Variants in POMGNT1 observed in about 807,000 individuals in gnomAD.
POMGNT1 encodes protein O-linked-mannose beta-1,2-N-acetylglucosaminyltransferase 1.
In POMGNT1, 67 loss-of-function variants were observed where a neutral mutation model predicts 95.6. The ratio of observed to expected loss-of-function variants is 0.70; its 90% confidence interval spans 0.58 to 0.86. The LOEUF (loss-of-function observed/expected upper bound fraction) is 0.86, where lower values mean the gene tolerates loss of function less well. POMGNT1 is among the 40% of genes least tolerant of loss of function. The probability of loss-of-function intolerance (pLI) is 0.00; values close to 1 mark genes in which losing one functional copy is unlikely to be tolerated. For synonymous variants in POMGNT1, 298 were observed against 317.9 expected (o/e 0.94, Z 0.66); for missense variants, 719 against 855.2 (o/e 0.84, Z 1.99).
chr1:46,195,377 C>G, intron 6 of POMGNT1: 1 of 375,246 alleles, frequency 2.7e-6, no homozygotes, highest in Admixed American at 3.8e-5. Context: ...TGGCTCACTC[C>G]TCAATTCCTC....
intron 1 of POMGNT1, among the ~76,000 whole-genome samples, chr1:46,215,923 C>G (rs1274646662): frequency 1.3e-5 from 2 of 151,782 alleles, no homozygotes; most frequent in Non-Finnish European, 2.9e-5. Flanking sequence ...GACAATGGAA[C>G]AATGCCTTAA....
chr1:46,192,411 G>C lies in POMGNT1; in HGVS notation c.1310C>G (p.Pro437Arg), dbSNP rs1557672114. Residue 437 changes from proline (P) to arginine (R), a missense_variant, in exon 16 of 22, where the codon CCA (proline) becomes CGA (arginine). Transcript: ENST00000371984. ...DQGYEHTAED[P>R]ALLYRVETMP... is the part of the protein sequence containing the mutation. ...GGTCTCCACACGGTACAGTAGTGCT[G>C]GGTCCTCAGCCGTGTGTTCATACCC... 6.2e-7 allele frequency: 1 copy of C among 1,614,164 alleles called. No homozygotes were observed. The highest frequency in any genetic ancestry group is 8.5e-7 in the Non-Finnish European group (1 of 1,180,032).
At chr1:46,195,059 G>A (rs2148206732) in intron 6 of POMGNT1, 98 bp from the exon 7 acceptor site, 1 of 1,033,224 alleles carries the variant, frequency 9.7e-7, no homozygotes, top group South Asian at 1.3e-5. Context: ...ACTTAAAATA[G>A]CTCATTACAT....
Position 46,195,871 on chromosome 1 carries a change from C to T in POMGNT1, c.474G>A (p.Glu158=), listed in dbSNP as rs371005576. Residue 158 remains glutamate (E), a synonymous_variant, in exon 6 of 22, where the codon GAG becomes GAA. Transcript: ENST00000371984. ...CCATGTTGAGGAATAGCACCATGGC[C>T]TCATCCTCATGAGGTGAGTACGTGT... is the stretch of plus-strand genomic sequence containing the variant. ...VFDTYSPHED[E]AMVLFLNMVA... 6.2e-7 allele frequency: 1 copy of T among 1,613,120 alleles called. No individual in the cohort carries two copies. The highest frequency in any genetic ancestry group is 8.5e-7 in the Non-Finnish European group (1 of 1,179,580).
upstream of POMGNT1, among the ~76,000 whole-genome samples, chr1:46,202,909 G>GC (rs1553164813): frequency 1.9e-5 from 2 of 105,202 alleles, no homozygotes; most frequent in East Asian, 4.8e-4. Flanking sequence ...TAGCCCCTGG[G>GC]GGGGGGGGGT....
chr1:46,194,943 G>C lies in POMGNT1; in HGVS notation c.553C>G (p.Leu185Val), dbSNP rs757919524. 16 of 1,614,020 alleles carry C rather than the reference G, an allele frequency of 9.9e-6. No homozygotes were observed. Among genetic ancestry groups the C allele is most frequent in the Non-Finnish European group, 1.4e-5 (16 of 1,180,064 alleles). ...AGCAGAGCCTTGGCTGTGTCCTTGA[G>C]GTGGAAGGAGCCCTCATCCTGGGGG... Reference protein sequence around the residue: ...CTVKDEGSFHLKDTAKALLRS... With the variant: ...CTVKDEGSFHVKDTAKALLRS... The change falls in exon 7 of 22, where the codon CTC (leucine) becomes GTC (valine). Residue 185 changes from leucine (L) to valine (V), a missense_variant. Physicochemically the swap from Leu to Val is conservative, Grantham distance 32. Transcript: ENST00000371984.
intron 17 of POMGNT1, chr1:46,191,601 C>T: frequency 4.3e-6 from 1 of 231,854 alleles, no homozygotes; most frequent in South Asian, 6.3e-5. Flanking sequence ...TCATTTAAAC[C>T]TCAAAATATC....
In POMGNT1 at chr1:46,190,764, G is replaced by A. The variant is rs1057521878; in HGVS notation, c.1560C>T (p.His520=). Residue 520 remains histidine (H), a synonymous_variant, in exon 18 of 22, where the codon CAC becomes CAT. Coordinates refer to ENST00000371984, the MANE Select transcript of POMGNT1 (RefSeq NM_017739.4). ...GGACACCTGGAACCGTGTTGAACTT[G>A]TGCTTCTTGAAGTAGGCCTCCTGGA... ...GYFHEAYFKK[H]KFNTVPGVQL... is the part of the protein sequence containing the mutation. The A allele has an allele frequency of 6.2e-7, 1 of 1,613,806 alleles. No homozygotes were observed. Among genetic ancestry groups the A allele is most frequent in the Non-Finnish European group, 8.5e-7 (1 of 1,179,824 alleles).
intron 1 of POMGNT1, among the ~76,000 whole-genome samples, chr1:46,209,160 G>C (rs1033772897): frequency 6.6e-6 from 1 of 152,110 alleles, no homozygotes; most frequent in African/African-American, 2.4e-5. Context: ...AAGTAGCTGG[G>C]ATTACAGGCA....
rs764734701 is a variant in POMGNT1 at position 46,196,058 on chromosome 1, C to T, written c.374G>A (p.Arg125Gln). 15 of 1,613,960 alleles carry T rather than the reference C, an allele frequency of 9.3e-6. No individual in the cohort carries two copies. The Middle Eastern group carries it at 1.2e-3, about 124-fold the overall frequency. The change falls in exon 5 of 22, where the codon CGG (arginine) becomes CAG (glutamine). Residue 125 changes from arginine (R) to glutamine (Q), a missense_variant. By Grantham distance (43) the Arg-to-Gln change is conservative. Coordinates refer to ENST00000371984, the MANE Select transcript of POMGNT1 (RefSeq NM_017739.4). The surrounding 1 kb of genome is among the most constrained non-coding windows in gnomAD (Gnocchi z 4.4). Reference sequence around the variant, plus strand: ...GACATGGATGCCCCGGCCCTGCTCCCGGGCCTCATCCTCCAGCACCTACAC... The same window carrying T: ...GACATGGATGCCCCGGCCCTGCTCCTGGGCCTCATCCTCCAGCACCTACAC... ...DGTTVLEDEA[R>Q]EQGRGIHVIV...
chr1:46,195,731 T>C (rs1278294881), intron 6 of POMGNT1, 80 bp downstream of exon 6: 5 of 1,236,668 alleles, frequency 4.0e-6, no homozygotes, highest in South Asian at 2.6e-5. Flanking sequence ...CACTATGTTA[T>C]ATGAGGGGCA....
At chr1:46,212,809 G>C (rs1487796863) in intron 1 of POMGNT1, among the ~76,000 whole-genome samples, 1 of 151,606 alleles carries the variant, frequency 6.6e-6, no homozygotes, top group Admixed American at 6.6e-5. Flanking sequence ...GCCCAGGCTG[G>C]AGTGCAGTGG....
intron 21 of POMGNT1, 45 bp downstream of exon 21, chr1:46,189,413 T>A: frequency 2.5e-6 from 4 of 1,613,764 alleles, no homozygotes; most frequent in Non-Finnish European, 3.4e-6. Context: ...TATCCCTGGA[T>A]CTCACTAGGC....
At chr1:46,189,632 C>T in intron 20 of POMGNT1, 65 bp from the exon 21 acceptor site, 5 of 1,565,810 alleles carry the variant, frequency 3.2e-6, no homozygotes, top group South Asian at 2.3e-5. Flanking sequence ...TCACTGACGA[C>T]CCTTTGGCCC....
intron 20 of POMGNT1, 141 bp from the exon 21 acceptor site, chr1:46,189,708 T>C (rs1657599845): frequency 4.5e-6 from 7 of 1,549,504 alleles, no homozygotes; most frequent in Non-Finnish European, 2.6e-6. Flanking sequence ...AATATGAATT[T>C]GGACAAGGAG....
chr1:46,208,539 C>G (rs904034600), intron 1 of POMGNT1, among the ~76,000 whole-genome samples: 1 of 152,076 alleles, frequency 6.6e-6, no homozygotes, highest in Non-Finnish European at 1.5e-5. Context: ...AGTGGGAATT[C>G]CAGTTCAAGA....
chr1:46,193,695 C>T, intron 10 of POMGNT1, 56 bp from the exon 11 acceptor site: 10 of 1,611,612 alleles, frequency 6.2e-6, no homozygotes, highest in Non-Finnish European at 6.8e-6. Context: ...CTCAGGTTCC[C>T]CTGTGTTTAC....
rs1557672254 is a variant in POMGNT1, at chr1:46,192,498, C to T, written c.1284+20G>A. ...AGGCCTCATAAACTCGCCTGCTAAA[C>T]CCTGGTCATTCCAGCCTACCTGGTC... On this transcript the variant is annotated intron_variant, in intron 15 of 21. Transcript: ENST00000371984. 5 of 1,614,160 alleles carry T rather than the reference C, an allele frequency of 3.1e-6. No homozygotes were observed. The highest frequency in any genetic ancestry group is 1.7e-4 in the Middle Eastern group (1 of 6,060).
In POMGNT1 at chr1:46,196,714, G is replaced by A. The variant is rs1658264884; in HGVS notation, c.354+17C>T. 11 of 1,614,050 alleles carry A rather than the reference G, an allele frequency of 6.8e-6. No homozygotes were observed. The highest frequency in any genetic ancestry group is 9.3e-6 in the Non-Finnish European group (11 of 1,180,036). ...AGCAGAATAGAGTGACTGTACACCA[G>A]ACCCTGGCCCACTGACCGTGGTGCC... On this transcript the variant is annotated intron_variant, in intron 4 of 21. Coordinates refer to ENST00000371984, the MANE Select transcript of POMGNT1 (RefSeq NM_017739.4). The surrounding 1 kb of genome is among the most constrained non-coding windows in gnomAD (Gnocchi z 4.4).
Sources: allele counts gnomAD v4.1 joint callset (sites outside exome capture counted in the v4.1 genomes callset), GRCh38; gene constraint gnomAD v4.1.1; non-coding constraint Gnocchi (gnomAD v3.1); transcripts MANE v1.5; gene names NCBI Gene and HGNC (gene_info 2026-07-23, HGNC 2026-07-21).